Variants in SPRED1 observed in about 807,000 individuals in gnomAD.
SPRED1 encodes the protein sprouty-related, EVH1 domain-containing protein 1.
A neutral mutation model predicts 52.3 loss-of-function variants in SPRED1; 18 were observed. The ratio of observed to expected loss-of-function variants is 0.34; its 90% CI spans 0.24 to 0.51. The LOEUF is 0.51. Among genes scored for constraint, SPRED1 ranks in the 20% least tolerant of loss-of-function variants. SPRED1 has a pLI of 0.97. For synonymous variants in SPRED1, 155 were observed against 179.7 expected (o/e 0.86, Z 1.10); for missense variants, 485 against 551.0 (o/e 0.88, Z 1.20).
intron 1 of SPRED1, among the ~76,000 whole-genome samples, chr15:38,294,209 G>T (rs940209268): frequency 6.6e-5 from 10 of 152,020 alleles, no homozygotes; most frequent in African/African-American, 2.4e-4. Flanking sequence ...ATATTTGGAT[G>T]GTTAATATTT....
intron 2 of SPRED1, among the ~76,000 whole-genome samples, chr15:38,312,934 C>A (rs1175304279): frequency 3.9e-5 from 6 of 151,906 alleles, no homozygotes; most frequent in African/African-American, 1.4e-4. Context: ...AGGATACTCT[C>A]AAGCCCTCTT....
At chr15:38,278,826 C>CTTTTTTTTTTTT (rs1199715229) in intron 1 of SPRED1, among the ~76,000 whole-genome samples, 1 of 39,884 alleles carries the variant, frequency 2.5e-5, no homozygotes. Flanking sequence ...CCTAACTACA[C>CTTTTTTTTTTTT]TGTTTTTTTT....
At chr15:38,276,433 C>A (rs1894555681) in intron 1 of SPRED1, among the ~76,000 whole-genome samples, 1 of 151,912 alleles carries the variant, frequency 6.6e-6, no homozygotes, top group African/African-American at 2.4e-5. Context: ...TACTATACAC[C>A]CGTTAAATGA....
At chr15:38,280,248 C>T (rs1894657806) in intron 1 of SPRED1, among the ~76,000 whole-genome samples, 1 of 152,134 alleles carries the variant, frequency 6.6e-6, no homozygotes, top group Non-Finnish European at 1.5e-5. Flanking sequence ...CCTCATTTGC[C>T]TCCTTAAAGG....
chr15:38,255,689 T>C (rs1194034286), intron 1 of SPRED1, among the ~76,000 whole-genome samples: 2 of 152,180 alleles, frequency 1.3e-5, no homozygotes, highest in Non-Finnish European at 2.9e-5. Context: ...TTATTTATAG[T>C]CATTATGAAG....
chr15:38,318,573 C>T (rs1182839543), intron 2 of SPRED1, among the ~76,000 whole-genome samples: 1 of 152,110 alleles, frequency 6.6e-6, no homozygotes, highest in Non-Finnish European at 1.5e-5. Flanking sequence ...GTTTTGAACT[C>T]TTACCTCCCT....
At chr15:38,347,358 C>G (rs1054397264) in intron 5 of SPRED1, among the ~76,000 whole-genome samples, 1 of 151,460 alleles carries the variant, frequency 6.6e-6, no homozygotes, top group Admixed American at 6.6e-5. Flanking sequence ...TGTCTCTAAT[C>G]TAAATTAGTG....
At chr15:38,327,117 A>C (rs1198631215) in intron 4 of SPRED1, among the ~76,000 whole-genome samples, 2 of 152,164 alleles carry the variant, frequency 1.3e-5, no homozygotes, top group Non-Finnish European at 2.9e-5. Context: ...ATATATATTC[A>C]AGGAGCAGCA....
chr15:38,262,689 A>G (rs1894229443), intron 1 of SPRED1, among the ~76,000 whole-genome samples: 1 of 152,164 alleles, frequency 6.6e-6, no homozygotes, highest in Non-Finnish European at 1.5e-5. Context: ...AAAATATGAG[A>G]CACAATATGA....
chr15:38,344,012 A>T (rs1452277899), intron 5 of SPRED1, among the ~76,000 whole-genome samples: 2 of 152,196 alleles, frequency 1.3e-5, no homozygotes, highest in Non-Finnish European at 2.9e-5. Context: ...AATTGCAACA[A>T]TAAAGGCTAA....
intron 1 of SPRED1, among the ~76,000 whole-genome samples, chr15:38,256,739 T>C (rs893208668): frequency 2.6e-5 from 4 of 152,154 alleles, no homozygotes; most frequent in Admixed American, 6.5e-5. Flanking sequence ...ATATACCCAG[T>C]GGTGAGTTAT....
chr15:38,300,153 A>G (rs1197670316), intron 2 of SPRED1, among the ~76,000 whole-genome samples: 1 of 151,932 alleles, frequency 6.6e-6, no homozygotes, highest in Non-Finnish European at 1.5e-5. Flanking sequence ...GTGGTTTCTT[A>G]CCTGTATACA....
chr15:38,309,184 T>A (rs144551137), intron 2 of SPRED1, among the ~76,000 whole-genome samples: 1 of 152,226 alleles, frequency 6.6e-6, no homozygotes, highest in Non-Finnish European at 1.5e-5. Context: ...AGATAGCGTC[T>A]TCTTCTAGTG....
In SPRED1 at chr15:38,350,992, T is replaced by C. The variant is rs1264264310; in HGVS notation, c.685-22T>C. 1.9e-6 allele frequency: 3 copies of C among 1,606,782 alleles called. No homozygotes were observed. In the African/African-American group the frequency reaches 4.0e-5, roughly 21 times the overall value. On this transcript the variant is annotated intron_variant, in intron 6 of 6. Transcript: ENST00000299084. ...TTAACCATCATAGCCCTCATTGCAG[T>C]TTTTATCTGTTTCTTTTTTAGGTCC...
rs1595764001 is a variant in SPRED1 at position 38,351,544 on chromosome 15, A to G, written c.1215A>G (p.Leu405=). The part of the protein sequence containing the change: ...TSDDKFCLRW[L]ALVALSFIVP... ...ACGACAAGTTCTGCTTGCGATGGTTAGCCCTGGTAGCTTTGTCTTTCATTG... is the reference window on the plus strand; with the variant it reads ...ACGACAAGTTCTGCTTGCGATGGTTGGCCCTGGTAGCTTTGTCTTTCATTG... Residue 405 remains leucine (L), a synonymous_variant, in exon 7 of 7, where the codon TTA becomes TTG. Transcript: ENST00000299084. The G allele has an allele frequency of 6.2e-7, 1 of 1,614,164 alleles. No individual in the cohort carries two copies. Among genetic ancestry groups the G allele is most frequent in the Non-Finnish European group, 8.5e-7 (1 of 1,180,026 alleles).
intron 5 of SPRED1, among the ~76,000 whole-genome samples, chr15:38,344,919 C>G (rs1047314113): frequency 6.6e-6 from 1 of 151,762 alleles, no homozygotes; most frequent in African/African-American, 2.4e-5. Flanking sequence ...GTGAACTTCT[C>G]AATTTAACAG....
chr15:38,342,598 T>G (rs2141010193), intron 5 of SPRED1, among the ~76,000 whole-genome samples: 1 of 152,244 alleles, frequency 6.6e-6, no homozygotes, highest in East Asian at 1.9e-4. Flanking sequence ...TCCTTCATTT[T>G]TGAAGGATGT....
chr15:38,257,722 T>C (rs1894128327), intron 1 of SPRED1, among the ~76,000 whole-genome samples: 2 of 152,330 alleles, frequency 1.3e-5, no homozygotes, highest in East Asian at 1.9e-4. Flanking sequence ...TTTATCAGTT[T>C]TAAGTCTTTA....
chr15:38,336,023 T>G (rs1200097485), intron 4 of SPRED1, among the ~76,000 whole-genome samples: 1 of 152,168 alleles, frequency 6.6e-6, no homozygotes. Flanking sequence ...TTAGCCTTCA[T>G]TTTATTTCCA....
Sources: allele counts gnomAD v4.1 joint callset (sites outside exome capture counted in the v4.1 genomes callset), GRCh38; gene constraint gnomAD v4.1.1; transcripts MANE v1.5; gene names NCBI Gene and HGNC (gene_info 2026-07-23, HGNC 2026-07-21).